The following TRIM34 variants were observed in gnomAD, a reference collection of about 807,000 sequenced individuals.
TRIM34 encodes the protein tripartite motif containing 34, also known as E3 ubiquitin-protein ligase TRIM34.
A neutral mutation model predicts 38.1 loss-of-function variants in TRIM34; 41 were observed. The ratio of observed to expected loss-of-function variants is 1.08; its 90% CI spans 0.84 to 1.40. TRIM34 has a LOEUF of 1.40. Ranked by LOEUF, TRIM34 falls within the 40% of genes most tolerant of loss-of-function variation. The probability of loss-of-function intolerance (pLI) is 0.00; values close to 1 mark genes in which losing one functional copy is unlikely to be tolerated. For synonymous variants in TRIM34, 200 were observed against 202.5 expected (o/e 0.99, Z 0.10); for missense variants, 556 against 571.4 (o/e 0.97, Z 0.27).
At chr11:5,633,977 T>G in intron 3 of TRIM34, 78 bp downstream of exon 3, 2 of 1,468,470 alleles carry the variant, frequency 1.4e-6, no homozygotes, top group Non-Finnish European at 1.9e-6. Context: ...GTCCTTTTTA[T>G]TCCTTGACAT....
intron 6 of TRIM34, 121 bp downstream of exon 6, chr11:5,642,627 A>T (rs1480358682): frequency 7.2e-7 from 1 of 1,395,246 alleles, no homozygotes; most frequent in African/African-American, 1.5e-5. Context: ...GAGAATAAGG[A>T]ATATTCTGTG....
chr11:5,625,550 C>G (rs1036325799), intron 1 of TRIM34, among the ~76,000 whole-genome samples: 3 of 152,126 alleles, frequency 2.0e-5, no homozygotes, highest in Non-Finnish European at 4.4e-5. Flanking sequence ...GGGAGCACGG[C>G]CAGGGGTTGA....
At chr11:5,641,259 G>A in intron 5 of TRIM34, 70 bp downstream of exon 5, 3 of 1,608,222 alleles carry the variant, frequency 1.9e-6, no homozygotes, top group Non-Finnish European at 2.5e-6. Context: ...AGAGTTATTT[G>A]GTGGTCAATT....
intron 5 of TRIM34, among the ~76,000 whole-genome samples, chr11:5,641,596 T>C (rs1211308907): frequency 6.6e-6 from 1 of 152,166 alleles, no homozygotes; most frequent in Non-Finnish European, 1.5e-5. Flanking sequence ...TTATATGTAC[T>C]TTGCTTACTT....
At chr11:5,635,647 T>A (rs1400444145) in intron 4 of TRIM34, among the ~76,000 whole-genome samples, 1 of 152,200 alleles carries the variant, frequency 6.6e-6, no homozygotes, top group East Asian at 1.9e-4. Flanking sequence ...GTGCTCTCCT[T>A]TCTTTGCTGA....
chr11:5,642,291 C>A, intron 5 of TRIM34, 115 bp from the exon 6 acceptor site: 2 of 881,798 alleles, frequency 2.3e-6, no homozygotes, highest in Non-Finnish European at 3.5e-6. Flanking sequence ...CCTCCTCAGG[C>A]TCAGGGAGAA....
rs1007217407 is a variant in TRIM34 at position 5,634,619 on chromosome 11, C to T, written c.520-12C>T. On this transcript the variant is annotated splice_polypyrimidine_tract_variant and intron_variant, in intron 3 of 7. Coordinates refer to ENST00000429814, the MANE Select transcript of TRIM34 (RefSeq NM_021616.6). Reference sequence around the variant, plus strand: ...CAAACTTACTACAACTCTCTCTTGTCCATCCTTGCAGTATCAGGTACAAAC... The same window carrying T: ...CAAACTTACTACAACTCTCTCTTGTTCATCCTTGCAGTATCAGGTACAAAC... The T allele has an allele frequency of 1.9e-6, 3 of 1,605,944 alleles. No individual in the cohort carries two copies. Among genetic ancestry groups the T allele is most frequent in the African/African-American group, 2.7e-5 (2 of 74,330 alleles).
intron 1 of TRIM34, among the ~76,000 whole-genome samples, chr11:5,629,852 C>T (rs558162376): frequency 2.0e-4 from 30 of 152,248 alleles, no homozygotes; most frequent in Admixed American, 1.7e-3. Flanking sequence ...GGACTACAGG[C>T]GCCCGCCGCC....
In TRIM34 at chr11:5,632,280, A is replaced by G. The variant is rs1352590518; in HGVS notation, c.-52A>G. ...CCATCCAGGGGTCTTTAACCAGAAG[A>G]GAGAGGAGAGCCTCAGGAGTTAGGA... On this transcript the variant is annotated 5_prime_UTR_variant, in exon 2 of 8. Coordinates refer to ENST00000429814, the MANE Select transcript of TRIM34 (RefSeq NM_021616.6). The G allele has an allele frequency of 1.2e-6, 2 of 1,612,142 alleles. No homozygotes were observed. The highest frequency in any genetic ancestry group is 2.2e-5 in the East Asian group (1 of 44,864).
At position 5,642,756 on chromosome 11, in the gene TRIM34, T is replaced by C. The variant is rs749814025; in HGVS notation, c.875-61T>C. ...CCCTGTCCCTACTCTAAAGAATATATAGGTATCAGTGCTTACTCCTTTGTT... is the reference window on the plus strand; with the variant it reads ...CCCTGTCCCTACTCTAAAGAATATACAGGTATCAGTGCTTACTCCTTTGTT... On this transcript the variant is annotated intron_variant, in intron 6 of 7. Transcript: ENST00000429814. The C allele has an allele frequency of 3.2e-5, 52 of 1,604,212 alleles. 1 individual carries two copies. Among genetic ancestry groups the C allele is most frequent in the Admixed American group, 1.0e-4 (6 of 59,054 alleles).
At chr11:5,642,110 A>AT (rs1407892575) in intron 5 of TRIM34, among the ~76,000 whole-genome samples, 2 of 152,120 alleles carry the variant, frequency 1.3e-5, no homozygotes, top group Non-Finnish European at 2.9e-5. Context: ...GTTTTATCCA[A>AT]TTTTTTATTA....
At chr11:5,639,679 C>CA (rs58134807) in intron 4 of TRIM34, among the ~76,000 whole-genome samples, 817 of 51,132 alleles carry the variant, frequency 0.016, 136 homozygotes, top group South Asian at 0.038. Flanking sequence ...GACTCTATTT[C>CA]AAAAAAAAAA....
chr11:5,633,728 T>C (rs1361400993), intron 2 of TRIM34, 76 bp from the exon 3 acceptor site: 14 of 1,439,694 alleles, frequency 9.7e-6, no homozygotes, highest in Non-Finnish European at 6.5e-6. Context: ...ATCAACTTGA[T>C]TTTTTCCCTG....
Position 5,643,509 on chromosome 11 carries a change from A to T in TRIM34, c.1267A>T (p.Thr423Ser), listed in dbSNP as rs1357303443. The T allele has an allele frequency of 6.2e-7, 1 of 1,613,496 alleles. No homozygotes were observed. The highest frequency in any genetic ancestry group is 8.5e-7 in the Non-Finnish European group (1 of 1,179,846). The change falls in exon 8 of 8, where the codon ACT (threonine) becomes TCT (serine). Residue 423 changes from threonine (T) to serine (S), a missense_variant. Transcript: ENST00000429814. ...ESLSSDPEVL[T>S]LSMAVPPCRV... ...TTTGTCCTCTGATCCCGAGGTTTTG[A>T]CTCTCTCCATGGCTGTGCCTCCCTG...
intron 2 of TRIM34, 68 bp downstream of exon 2, chr11:5,632,822 CTTTTTTTT>C: frequency 1.0e-5 from 10 of 982,776 alleles, no homozygotes; most frequent in African/African-American, 2.3e-5. Flanking sequence ...CCTTTTCATC[CTTTTTTTT>C]TTTTTTTTTT....
chr11:5,626,741 G>A (rs770634905), intron 1 of TRIM34: 3 of 152,186 alleles, frequency 2.0e-5, no homozygotes, highest in Non-Finnish European at 2.9e-5. Context: ...AATTAGCCGG[G>A]TGTGGTGGCG....
upstream of TRIM34, among the ~76,000 whole-genome samples, chr11:5,621,290 G>C (rs929905108): frequency 1.3e-5 from 2 of 152,172 alleles, no homozygotes; most frequent in African/African-American, 4.8e-5. Context: ...AGTAAAGCCA[G>C]AGGGATCTGA....
chr11:5,642,422 C>G lies in TRIM34; in HGVS notation c.790C>G (p.Leu264Val). Residue 264 changes from leucine (L) to valine (V), a missense_variant, in exon 6 of 8, where the codon CTG becomes GTG. Leu to Val is a conservative substitution (Grantham distance 32). Coordinates refer to ENST00000429814, the MANE Select transcript of TRIM34 (RefSeq NM_021616.6). ...GIMKWSEIWR[L>V]KKPKMVSKKL... ...CATCCCTAGGAGTGAGATCTGGAGG[C>G]TGAAAAAGCCAAAAATGGTTTCCAA... 6.2e-7 allele frequency: 1 copy of G among 1,613,032 alleles called. No homozygotes were observed. The highest frequency in any genetic ancestry group is 8.5e-7 in the Non-Finnish European group (1 of 1,179,882).
intron 3 of TRIM34, 101 bp from the exon 4 acceptor site, chr11:5,634,530 C>CACACATATATATATATATATAT (rs1491498839): frequency 6.4e-5 from 13 of 203,904 alleles, no homozygotes; most frequent in African/African-American, 4.1e-4. Context: ...CACACACACA[C>CACACATATATATATATATATAT]ATATATATAT....
Sources: gnomAD v4.1 joint callset for allele counts (sites outside exome capture counted in the v4.1 genomes callset) on GRCh38, gnomAD v4.1.1 for gene constraint, MANE v1.5 for transcripts, NCBI Gene and HGNC (gene_info 2026-07-23, HGNC 2026-07-21) for gene names.